RAI1: variants seen among roughly 807,000 people sequenced by gnomAD.
RAI1 encodes the protein retinoic acid-induced protein 1.
Under a neutral mutation model 123.8 loss-of-function variants are expected in RAI1, and 9 were observed. That is an observed-to-expected ratio of 0.07 (90% CI 0.04 to 0.13). The LOEUF is 0.13. Among genes scored for constraint, RAI1 ranks in the 10% least tolerant of loss-of-function variants. The pLI is 1.00. For missense variants in RAI1, 2,256 were observed against 2,545.8 expected, an observed-to-expected ratio of 0.89 and a Z score of 2.45; for synonymous variants, 1,231 against 1,127.3, an observed-to-expected ratio of 1.09 and a Z score of -1.84.
Position 17,799,906 on chromosome 17 carries a change from G to T in RAI1, c.5565+1393G>T, listed in dbSNP as rs2032396064. On this transcript the variant is annotated intron_variant, in intron 3 of 5. Transcript: ENST00000353383. This position sits in a 1 kb window ranked among gnomAD's most constrained non-coding sequence, Gnocchi z 4.5. ...TGGCCAAACCAAGGTCCCGGTGGGG[G>T]CCCACTGTGTTTGCCACCCACGCCT... is the stretch of plus-strand genomic sequence containing the variant. 6.6e-6 allele frequency among the ~76,000 whole-genome samples: 1 copy of T among 152,196 alleles called. No homozygotes were observed. The highest frequency in any genetic ancestry group is 2.4e-5 in the African/African-American group (1 of 41,434).
At chr17:17,805,131 G>T (rs1014666310) in intron 4 of RAI1, among the ~76,000 whole-genome samples, 1 of 152,178 alleles carries the variant, frequency 6.6e-6, no homozygotes, top group African/African-American at 2.4e-5. Flanking sequence ...AAAGTGCTGG[G>T]ATTACAGGCG....
At chr17:17,808,991 T>C (rs1050304461) in intron 4 of RAI1, among the ~76,000 whole-genome samples, 3 of 152,106 alleles carry the variant, frequency 2.0e-5, no homozygotes, top group Non-Finnish European at 4.4e-5. Flanking sequence ...CTCTGGGAGC[T>C]TGCCTGCCAG....
At chr17:17,734,365 G>A (rs1916359654) in intron 2 of RAI1, among the ~76,000 whole-genome samples, 1 of 152,018 alleles carries the variant, frequency 6.6e-6, no homozygotes, top group Non-Finnish European at 1.5e-5. Context: ...GAACACCTGA[G>A]CCCGGGAGGT....
intron 2 of RAI1, among the ~76,000 whole-genome samples, chr17:17,786,597 T>C (rs139653184): frequency 0.014 from 2,206 of 152,354 alleles, 47 homozygotes; most frequent in African/African-American, 0.05. Context: ...TGTGTAGTTA[T>C]CTGGGAGTGG....
intron 2 of RAI1, among the ~76,000 whole-genome samples, chr17:17,751,989 T>C (rs377750717): frequency 2.6e-5 from 4 of 152,172 alleles, no homozygotes; most frequent in African/African-American, 7.2e-5. Context: ...TAATCTCTTA[T>C]AGTGGTGGAT....
chr17:17,783,721 C>T (rs55646572), intron 2 of RAI1, among the ~76,000 whole-genome samples: 1 of 151,610 alleles, frequency 6.6e-6, no homozygotes, highest in African/African-American at 2.4e-5. Context: ...CGGATCTGGT[C>T]CTGGCCGGGG....
At position 17,800,377 on chromosome 17, in the gene RAI1, C is replaced by T. The variant is rs1460356448; in HGVS notation, c.5565+1864C>T. On this transcript the variant is annotated intron_variant, in intron 3 of 5. Transcript: ENST00000353383. This position sits in a 1 kb window ranked among gnomAD's most constrained non-coding sequence, Gnocchi z 4.7. ...GAAAGCCTTGTCCCCACGGCATCCT[C>T]GGTCCCGCAGCCTCACCAGGGGCTC... Among the ~76,000 whole-genome samples, 1 of 152,166 alleles carries T rather than the reference C, an allele frequency of 6.6e-6. No homozygotes were observed. The highest frequency in any genetic ancestry group is 2.4e-5 in the African/African-American group (1 of 41,422).
At chr17:17,760,970 A>G (rs1228149975) in intron 2 of RAI1, among the ~76,000 whole-genome samples, 2 of 152,250 alleles carry the variant, frequency 1.3e-5, no homozygotes, top group Admixed American at 6.5e-5. Context: ...AGAACCTCCT[A>G]GAACTGCATA....
chr17:17,756,316 G>A (rs1326449903), intron 2 of RAI1, among the ~76,000 whole-genome samples: 1 of 151,780 alleles, frequency 6.6e-6, no homozygotes, highest in Non-Finnish European at 1.5e-5. Flanking sequence ...TCCTGCCTCA[G>A]CCTCCCAGGT....
At position 17,809,747 on chromosome 17, in the gene RAI1, C is replaced by T. The variant is rs954095437; in HGVS notation, c.5710-223C>T. Among the ~76,000 whole-genome samples, 24 of 152,048 alleles carry T rather than the reference C, an allele frequency of 1.6e-4. No individual in the cohort carries two copies. The highest frequency in any genetic ancestry group is 5.8e-4 in the African/African-American group (24 of 41,392). The stretch of plus-strand genomic sequence containing the variant: ...AAGATAGGTGACAGAGTGGGGCAGG[C>T]GGGGGCGCGGGACGGTGGCACGGAG... On this transcript the variant is annotated intron_variant, in intron 5 of 5. Transcript: ENST00000353383. This position sits in a 1 kb window ranked among gnomAD's most constrained non-coding sequence, Gnocchi z 4.9.
At chr17:17,689,873 C>T (rs1914777589) in intron 1 of RAI1, among the ~76,000 whole-genome samples, 1 of 152,090 alleles carries the variant, frequency 6.6e-6, no homozygotes, top group African/African-American at 2.4e-5. Context: ...CAGCTTGGTG[C>T]TGGAGGAGGT....
At chr17:17,726,336 T>C (rs1449039592) in intron 2 of RAI1, among the ~76,000 whole-genome samples, 1 of 152,198 alleles carries the variant, frequency 6.6e-6, no homozygotes, top group African/African-American at 2.4e-5. Flanking sequence ...CCATTAAATG[T>C]GGGTGTCTGA....
intron 2 of RAI1, among the ~76,000 whole-genome samples, chr17:17,763,450 G>T (rs994423804): frequency 2.0e-5 from 3 of 152,242 alleles, no homozygotes; most frequent in African/African-American, 7.2e-5. Context: ...TCAAGGAGCT[G>T]CTGGCAGCAG....
chr17:17,797,922 G>A lies in RAI1; in HGVS notation c.4974G>A (p.Leu1658=). 8 of 1,614,000 alleles carry A rather than the reference G, an allele frequency of 5.0e-6. No individual in the cohort carries two copies. The East Asian group carries it at 6.7e-5, about 13-fold the overall frequency. Residue 1658 remains leucine (L), a synonymous_variant, in exon 3 of 6, where the codon CTG becomes CTA. Transcript: ENST00000353383. ...SLATLPGGSI[L]QPRPSLPLSS... ...CCACACTCCCTGGAGGCTCCATCCT[G>A]CAGCCGCGGCCCTCCTTGCCCCTCT...
At chr17:17,746,933 C>T (rs2029948562) in intron 2 of RAI1, among the ~76,000 whole-genome samples, 1 of 152,224 alleles carries the variant, frequency 6.6e-6, no homozygotes, top group South Asian at 2.1e-4. Context: ...CCACGCCCAG[C>T]CCCATGTGTT....
intron 1 of RAI1, among the ~76,000 whole-genome samples, chr17:17,699,682 T>C (rs1915152073): frequency 6.6e-6 from 1 of 152,056 alleles, no homozygotes; most frequent in South Asian, 2.1e-4. Context: ...AGTGACTTCA[T>C]TTCCAATTTC....
At chr17:17,736,708 G>C (rs1305455480) in intron 2 of RAI1, among the ~76,000 whole-genome samples, 1 of 152,204 alleles carries the variant, frequency 6.6e-6, no homozygotes, top group African/African-American at 2.4e-5. Context: ...CATTTCTGAA[G>C]ATGAAATGAG....
At position 17,714,332 on chromosome 17, in the gene RAI1, T is replaced by C. The variant is rs1915650359; in HGVS notation, c.-148-9696T>C. ...GCCTGTGTCGGTGGTCATTCAGCTC[T>C]CGGGACAAAGCGTGGGTGGGCCTGT... On this transcript the variant is annotated intron_variant, in intron 1 of 5. Coordinates refer to ENST00000353383, the MANE Select transcript of RAI1 (RefSeq NM_030665.4). This position sits in a 1 kb window ranked among gnomAD's most constrained non-coding sequence, Gnocchi z 4.9. Among the ~76,000 whole-genome samples the C allele has an allele frequency of 6.6e-6, 1 of 152,068 alleles. No homozygotes were observed. Among genetic ancestry groups the C allele is most frequent in the Non-Finnish European group, 1.5e-5 (1 of 67,984 alleles).
Position 17,802,029 on chromosome 17 carries a change from C to A in RAI1, c.5566-1727C>A, listed in dbSNP as rs903201952. The A allele has an allele frequency of 6.4e-6, 3 of 469,890 alleles. No homozygotes were observed. The Admixed American group carries it at 7.0e-5, about 11-fold the overall frequency. The allele number at this position is 469,890 out of a possible 1,614,324, so 29.1% of individuals were successfully genotyped here. A position where few individuals can be genotyped will look rare whatever the true frequency, so the allele number is the denominator to read the frequency against. ...CTCTGCTGCCTTCTCTACCTCACCCCCCGCCCCCAGCACGGTGGCACTGTG... is the reference window on the plus strand; with the variant it reads ...CTCTGCTGCCTTCTCTACCTCACCCACCGCCCCCAGCACGGTGGCACTGTG... On this transcript the variant is annotated intron_variant, in intron 3 of 5. Transcript: ENST00000353383.
Sources: allele counts gnomAD v4.1 joint callset (sites outside exome capture counted in the v4.1 genomes callset), GRCh38; gene constraint gnomAD v4.1.1; non-coding constraint Gnocchi (gnomAD v3.1); transcripts MANE v1.5; gene names NCBI Gene and HGNC (gene_info 2026-07-23, HGNC 2026-07-21).